Variants in PRCD observed in about 807,000 individuals in gnomAD.
PRCD encodes photoreceptor disc component, also known as photoreceptor disk component PRCD.
A neutral mutation model predicts 10.1 loss-of-function variants in PRCD; 12 were observed. The ratio of observed to expected loss-of-function variants is 1.18; its 90% CI spans 0.76 to 1.92. The LOEUF is 1.92. Among genes scored for constraint, PRCD ranks in the 40% most tolerant of loss-of-function variants. The pLI, the probability that PRCD is intolerant of heterozygous loss-of-function variation, is 0.00. For missense variants in PRCD, 61 were observed against 72.2 expected (o/e 0.84, Z 0.56); for synonymous variants, 31 against 26.2 (o/e 1.18, Z -0.56).
chr17:76,546,954 T>A (rs2075059062), downstream of PRCD: 1 of 152,142 alleles, frequency 6.6e-6, no homozygotes, highest in South Asian at 2.1e-4. This position sits in a 1 kb window ranked among gnomAD's most constrained non-coding sequence, Gnocchi z 4.5. Context: ...AAGCTTGGGA[T>A]AGAGGGGGCC....
At chr17:76,536,754 C>T (rs2074917922), upstream of PRCD, among the ~76,000 whole-genome samples, 3 of 152,108 alleles carry the variant, frequency 2.0e-5, no homozygotes, top group Admixed American at 2.0e-4. Flanking sequence ...TCTCTTCTTC[C>T]CCTCACCCTC....
At chr17:76,547,643 TCACAC>T, downstream of PRCD, among the ~76,000 whole-genome samples, 1 of 149,980 alleles carries the variant, frequency 6.7e-6, no homozygotes, top group Non-Finnish European at 1.5e-5. Context: ...ACACACACAT[TCACAC>T]ACACACACAC....
At chr17:76,529,044 G>GCCCCCCCCCC (rs34648121) in intron 1 of PRCD, 1 of 779,744 alleles carries the variant, frequency 1.3e-6, no homozygotes, top group African/African-American at 2.3e-5. Flanking sequence ...CAGTCATTGC[G>GCCCCCCCCCC]CCCCCCCCCC....
chr17:76,547,868 C>T (rs2075069121), downstream of PRCD, among the ~76,000 whole-genome samples: 1 of 150,538 alleles, frequency 6.6e-6, no homozygotes, highest in Non-Finnish European at 1.5e-5. Context: ...TACACATATA[C>T]ATATTCACAC....
At chr17:76,547,800 TCA>T (rs1367671649), downstream of PRCD, among the ~76,000 whole-genome samples, 9 of 139,698 alleles carry the variant, frequency 6.4e-5, no homozygotes, top group Non-Finnish European at 9.3e-5. Context: ...ATACACACAT[TCA>T]CAGAGACACA....
chr17:76,542,917 G>A, intron 3 of PRCD, 112 bp from the exon 4 acceptor site: 1 of 575,246 alleles, frequency 1.7e-6, no homozygotes, highest in East Asian at 4.1e-5. Flanking sequence ...CATGAGGGCA[G>A]TGTCGGAGGA....
At chr17:76,549,483 A>C (rs2075086851), downstream of PRCD, among the ~76,000 whole-genome samples, 1 of 152,248 alleles carries the variant, frequency 6.6e-6, no homozygotes, top group Admixed American at 6.5e-5. Flanking sequence ...GACCATAGTA[A>C]GTACTGTCCA....
chr17:76,534,784 T>C (rs964484431), intron 1 of PRCD, among the ~76,000 whole-genome samples: 6 of 152,176 alleles, frequency 3.9e-5, no homozygotes, highest in African/African-American at 1.4e-4. Context: ...GTCTCCTGCC[T>C]CAACACCCAC....
At chr17:76,552,872 A>T (rs867964391) in intron 1 of PRCD, 5 of 130,632 alleles carry the variant, frequency 3.8e-5, no homozygotes, top group South Asian at 4.8e-4. Flanking sequence ...CTCAAAAAAA[A>T]AAAAAAAAAA....
rs2074979676 is a variant in PRCD at position 76,540,574 on chromosome 17, G to A, written c.143+1G>A. 3.1e-6 allele frequency: 5 copies of A among 1,613,364 alleles called. No homozygotes were observed. Among genetic ancestry groups the A allele is most frequent in the Middle Eastern group, 1.6e-4 (1 of 6,062 alleles). ...ATGCGGACCCTCAGTCCTCAGGCAGGTAAGGCAGGAGTCTGGGCTGGGGGA... is the reference window on the plus strand; with the variant it reads ...ATGCGGACCCTCAGTCCTCAGGCAGATAAGGCAGGAGTCTGGGCTGGGGGA... On this transcript the variant is annotated splice_donor_variant, in intron 2 of 4. Transcript: ENST00000592014. LOFTEE classifies it high-confidence loss of function. The surrounding 1 kb of genome is among the most constrained non-coding windows in gnomAD (Gnocchi z 5.0).
rs768568933 is a variant in PRCD, at chr17:76,527,898, G to T, written n.45+65G>T. 311 of 434,144 alleles carry T rather than the reference G, an allele frequency of 7.2e-4. 4 individuals carry two copies. Among genetic ancestry groups the T allele is most frequent in the Middle Eastern group, 1.5e-3 (2 of 1,374 alleles). 26.9% of individuals were successfully genotyped at this position (434,144 alleles called of 1,614,324 possible). On this transcript the variant is annotated intron_variant and non_coding_transcript_variant, in intron 1 of 4. Coordinates refer to the PRCD transcript ENST00000397633. ...CTTTCTGCCTGGAAGTGGAATTCAG[G>T]AATGTGGGGAGCTGGTCTGAGAAGG...
chr17:76,552,899 A>ATAAATATATATATATATATATATAT (rs1567917489), intron 1 of PRCD: 1 of 109,004 alleles, frequency 9.2e-6, no homozygotes, highest in Admixed American at 1.1e-4. Flanking sequence ...TATATATATA[A>ATAAATATATATATATATATATATAT]AAATATATAT....
intron 4 of PRCD, 93 bp from the exon 5 acceptor site, chr17:76,543,710 G>T: frequency 2.1e-6 from 1 of 465,932 alleles, no homozygotes. Context: ...GTCAGCCCAG[G>T]AGCTATTCTG....
chr17:76,538,572 C>A, upstream of PRCD: 1 of 461,196 alleles, frequency 2.2e-6, no homozygotes, highest in Non-Finnish European at 4.5e-6. Context: ...AGAGAGGCAC[C>A]GGATAGGGCA....
rs186138536 is a variant in PRCD at position 76,551,573 on chromosome 17, T to A, written n.84-1536T>A. ...ACTTAAAGCAGTGATCCCAGGTTTT[T>A]AAATTTTTATATTTTTACTTTTCTT... On this transcript the variant is annotated intron_variant and non_coding_transcript_variant, in intron 1 of 1. Coordinates refer to the PRCD transcript ENST00000587063. 3.3e-3 allele frequency: 496 copies of A among 152,252 alleles called. 3 individuals are homozygous for A. The highest frequency in any genetic ancestry group is 0.011 in the African/African-American group (477 of 41,500). 9.4% of individuals were successfully genotyped at this position (152,252 alleles called of 1,614,324 possible).
chr17:76,528,154 C>T lies in PRCD; in HGVS notation n.45+321C>T. 2.6e-6 allele frequency: 1 copy of T among 379,392 alleles called. No homozygotes were observed. The highest frequency in any genetic ancestry group is 4.6e-6 in the Non-Finnish European group (1 of 215,992). The allele number at this position is 379,392 out of a possible 1,614,324, so 23.5% of individuals were successfully genotyped here. A position where few individuals can be genotyped will look rare whatever the true frequency, so the allele number is the denominator to read the frequency against. On this transcript the variant is annotated intron_variant and non_coding_transcript_variant, in intron 1 of 4. Transcript: ENST00000397633. The surrounding 1 kb of genome is among the most constrained non-coding windows in gnomAD (Gnocchi z 5.8). The stretch of plus-strand genomic sequence containing the variant: ...TATGTATATATATATTTATATATAG[C>T]TCGTATATAGAATATATCTGTATAT...
rs2074981152 is a variant in PRCD at position 76,540,652 on chromosome 17, T to C, written c.143+79T>C. 3 of 1,411,580 alleles carry C rather than the reference T, an allele frequency of 2.1e-6. No individual in the cohort carries two copies. In the South Asian group the frequency reaches 3.5e-5, roughly 17 times the overall value. 87.4% of individuals were successfully genotyped at this position (1,411,580 alleles called of 1,614,324 possible). A position where few individuals can be genotyped will look rare whatever the true frequency, so the allele number is the denominator to read the frequency against. On this transcript the variant is annotated intron_variant, in intron 2 of 4. Transcript: ENST00000592014. This position sits in a 1 kb window ranked among gnomAD's most constrained non-coding sequence, Gnocchi z 5.0. ...CTGTGCATGCCTGGGGGTGCACGTG[T>C]GTGCCTGTGCGCGCCTGTGCGTGCA...
rs759275085 is a variant in PRCD at position 76,540,256 on chromosome 17, G to GCA, written c.74+41_74+42insCA. Reference sequence around the variant, plus strand: ...GGCTATGGCTGGCGGTTGGTCGGGGGGGGGGGGCATGGGGCTGGGCTGCCA... The same window carrying GCA: ...GGCTATGGCTGGCGGTTGGTCGGGGGCAGGGGGGGCATGGGGCTGGGCTGCCA... On this transcript the variant is annotated intron_variant, in intron 1 of 4. Transcript: ENST00000592014. This position sits in a 1 kb window ranked among gnomAD's most constrained non-coding sequence, Gnocchi z 5.0. 1 of 1,210,062 alleles carries GCA rather than the reference G, an allele frequency of 8.3e-7. No individual in the cohort carries two copies. Among genetic ancestry groups the GCA allele is most frequent in the Admixed American group, 2.0e-5 (1 of 49,848 alleles). 75.0% of individuals were successfully genotyped at this position (1,210,062 alleles called of 1,614,324 possible).
In PRCD at chr17:76,544,661, G is replaced by A; in HGVS notation, c.*1011G>A. 2.2e-6 allele frequency: 1 copy of A among 456,780 alleles called. No individual in the cohort carries two copies. The highest frequency in any genetic ancestry group is 4.4e-6 in the Non-Finnish European group (1 of 226,990). 28.3% of individuals were successfully genotyped at this position (456,780 alleles called of 1,614,324 possible). A position where few individuals can be genotyped will look rare whatever the true frequency, so the allele number is the denominator to read the frequency against. On this transcript the variant is annotated 3_prime_UTR_variant, in exon 5 of 5. Coordinates refer to ENST00000592014, the MANE Select transcript of PRCD (RefSeq NM_001077620.3). ...CCTGTCTCTCTCTTTGGAGGCATCG[G>A]CCTTCCTGGTGACAGGCCTGTCAGG...
Sources: gnomAD v4.1 joint callset for allele counts (sites outside exome capture counted in the v4.1 genomes callset) on GRCh38, gnomAD v4.1.1 for gene constraint, Gnocchi (gnomAD v3.1) non-coding constraint, MANE v1.5 for transcripts, NCBI Gene and HGNC (gene_info 2026-07-23, HGNC 2026-07-21) for gene names.